Variants in MYOM2 observed in about 807,000 individuals in gnomAD.
MYOM2 encodes the protein myomesin 2, also known as myomesin-2.
In MYOM2, 254 loss-of-function variants were observed where a neutral mutation model predicts 187.6. The observed-to-expected ratio is 1.35, with a 90% CI of 1.22 to 1.50. MYOM2 has a LOEUF of 1.50. Among genes scored for constraint, MYOM2 ranks in the 40% most tolerant of loss-of-function variants. The pLI, the probability that MYOM2 is intolerant of heterozygous loss-of-function variation, is 0.00. For synonymous variants in MYOM2, 981 were observed against 753.8 expected, an observed-to-expected ratio of 1.30 and a Z score of -4.94; for missense variants, 2,796 against 1,924.0, an observed-to-expected ratio of 1.45 and a Z score of -8.48.
chr8:2,140,604 G>A lies in MYOM2; in HGVS notation c.3801-119G>A, dbSNP rs2116919799. 5 of 946,696 alleles carry A rather than the reference G, an allele frequency of 5.3e-6. No homozygotes were observed. The South Asian group carries it at 9.7e-5, about 18-fold the overall frequency. The allele number at this position is 946,696 out of a possible 1,614,324, so 58.6% of individuals were successfully genotyped here. ...TTCGTAACAGCCAGAATAATCTATTGTGACATTGGCATCAGCAGCTTAGAG... is the reference window on the plus strand; with the variant it reads ...TTCGTAACAGCCAGAATAATCTATTATGACATTGGCATCAGCAGCTTAGAG... On this transcript the variant is annotated intron_variant, in intron 32 of 36. Coordinates refer to ENST00000262113, the MANE Select transcript of MYOM2 (RefSeq NM_003970.4).
intron 28 of MYOM2, among the ~76,000 whole-genome samples, chr8:2,120,621 C>T (rs1222454136): frequency 4.6e-4 from 38 of 83,202 alleles, no homozygotes; most frequent in Non-Finnish European, 8.4e-4. Flanking sequence ...TTCTGACCAT[C>T]CTCAGTATTG....
rs769752263 is a variant in MYOM2, at chr8:2,140,789, G to A, written c.3867G>A (p.Gln1289=). 1 of 1,614,132 alleles carries A rather than the reference G, an allele frequency of 6.2e-7. No homozygotes were observed. Among genetic ancestry groups the A allele is most frequent in the South Asian group, 1.1e-5 (1 of 91,078 alleles). The change falls in exon 33 of 37, where the codon CAG becomes CAA. Residue 1289 remains glutamine, a synonymous_variant. Coordinates refer to ENST00000262113, the MANE Select transcript of MYOM2 (RefSeq NM_003970.4). The stretch of plus-strand genomic sequence containing the variant: ...GGAGTGAAGAGATGGCTTGGCTGCA[G>A]ATATGTGAGCCGACTGAGAAGGATA... The part of the protein sequence containing the change: ...IGGSEEMAWL[Q]ICEPTEKDKG...
intron 23 of MYOM2, 70 bp downstream of exon 23, chr8:2,106,667 GA>G (rs1796905216): frequency 1.7e-6 from 2 of 1,144,514 alleles, no homozygotes; most frequent in South Asian, 1.5e-5. Flanking sequence ...CACCAACATA[GA>G]AAAGACTTAC....
At chr8:2,114,336 G>C (rs1307589557) in intron 25 of MYOM2, among the ~76,000 whole-genome samples, 1 of 152,216 alleles carries the variant, frequency 6.6e-6, no homozygotes, top group Non-Finnish European at 1.5e-5. Context: ...ATGCAAAGTA[G>C]TGTTCTCAGA....
At position 2,094,072 on chromosome 8, in the gene MYOM2, A is replaced by G. The variant is rs769145111; in HGVS notation, c.2106A>G (p.Ile702Met). 1.2e-6 allele frequency: 2 copies of G among 1,614,194 alleles called. No individual in the cohort carries two copies. Among genetic ancestry groups the G allele is most frequent in the Non-Finnish European group, 8.5e-7 (1 of 1,180,042 alleles). The change falls in exon 17 of 37, where the codon ATA becomes ATG. Residue 702 changes from isoleucine to methionine, a missense_variant. Transcript: ENST00000262113. ...MSENSQESDVIKVQAALTVPS... is the reference protein window; with the variant it reads ...MSENSQESDVMKVQAALTVPS... ...AAAATTCCCAGGAATCAGACGTCAT[A>G]AAAGTGCAGGCCGCACTCAGTAAGT... is the stretch of plus-strand genomic sequence containing the variant.
intron 19 of MYOM2, among the ~76,000 whole-genome samples, chr8:2,099,484 G>A (rs933530165): frequency 7.2e-5 from 11 of 151,992 alleles, no homozygotes; most frequent in Admixed American, 2.0e-4. Flanking sequence ...GTTCTCATTC[G>A]TGGGTGAGCT....
intron 32 of MYOM2, among the ~76,000 whole-genome samples, chr8:2,133,063 G>T (rs144832655): frequency 4.8e-4 from 73 of 152,308 alleles, no homozygotes; most frequent in African/African-American, 1.7e-3. Context: ...AGCTGCAGGG[G>T]TGGGAGCTCC....
chr8:2,130,270 AG>A (rs1797815168), intron 32 of MYOM2, among the ~76,000 whole-genome samples: 1 of 138,774 alleles, frequency 7.2e-6, no homozygotes, highest in Admixed American at 7.0e-5. Context: ...AACGCCCGTC[AG>A]TACCCTATAC....
intron 10 of MYOM2, among the ~76,000 whole-genome samples, chr8:2,074,971 C>T (rs971845663): frequency 1.3e-5 from 2 of 152,246 alleles, no homozygotes; most frequent in Non-Finnish European, 2.9e-5. Flanking sequence ...TCCTTACCTG[C>T]TGCCCAAGTT....
intron 25 of MYOM2, among the ~76,000 whole-genome samples, chr8:2,110,088 C>A (rs144589206): frequency 6.6e-6 from 1 of 152,124 alleles, no homozygotes; most frequent in South Asian, 2.1e-4. Flanking sequence ...TTTGGGAGGC[C>A]GAGATGGGGG....
intron 3 of MYOM2, among the ~76,000 whole-genome samples, chr8:2,057,012 G>A (rs550602490): frequency 6.6e-6 from 1 of 152,286 alleles, no homozygotes; most frequent in Admixed American, 6.5e-5. Context: ...TGCTGCTCAC[G>A]GTAATTCTCC....
At chr8:2,113,699 C>T (rs1563064721) in intron 25 of MYOM2, among the ~76,000 whole-genome samples, 1 of 152,186 alleles carries the variant, frequency 6.6e-6, no homozygotes, top group East Asian at 1.9e-4. Context: ...CCGGTCCTGA[C>T]CATGTCCGCG....
In MYOM2 at chr8:2,052,311, C is replaced by G. The variant is rs767835291; in HGVS notation, c.261C>G (p.Ser87Arg). 2 of 1,597,822 alleles carry G rather than the reference C, an allele frequency of 1.3e-6. No individual in the cohort carries two copies. Among genetic ancestry groups the G allele is most frequent in the African/African-American group, 1.3e-5 (1 of 74,470 alleles). The change falls in exon 3 of 37, where the codon AGC becomes AGG. Residue 87 changes from serine (S) to arginine (R), a missense_variant and splice_region_variant. By Grantham distance (110) the Ser-to-Arg change is moderately radical. Transcript: ENST00000262113. ...TQEDEEQENRSRYQSLVAAYG... is the reference protein window; with the variant it reads ...TQEDEEQENRRRYQSLVAAYG... ...AAGATGAGGAGCAGGAGAACAGAAGCAGGTGAGCACATGGCTTCCCTGACT... is the reference window on the plus strand; with the variant it reads ...AAGATGAGGAGCAGGAGAACAGAAGGAGGTGAGCACATGGCTTCCCTGACT...
Position 2,092,381 on chromosome 8 carries a change from C to T in MYOM2, c.1864C>T (p.Arg622Ter), listed in dbSNP as rs200806191. The change falls in exon 16 of 37, where the codon CGA becomes TGA. Residue 622 changes from arginine to a stop codon, truncating the protein, a stop_gained. Transcript: ENST00000262113. LOFTEE classifies it high-confidence loss of function. ...PSAPGRVLAS[R>*]NTKTSVVVQW... ...TGCTCCGGGTCGGGTTCTTGCTTCC[C>T]GAAACACCAAGACGTCGGTGGTGGT... 1.8e-4 allele frequency: 292 copies of T among 1,613,966 alleles called. No individual in the cohort carries two copies. The highest frequency in any genetic ancestry group is 6.2e-4 in the Admixed American group (37 of 59,988).
At chr8:2,059,370 T>A in intron 6 of MYOM2, 125 bp downstream of exon 6, 1 of 718,248 alleles carries the variant, frequency 1.4e-6, no homozygotes. Flanking sequence ...CGGGTGACTT[T>A]AAATAGCATT....
At chr8:2,067,060 T>C (rs752228349) in intron 6 of MYOM2, among the ~76,000 whole-genome samples, 2 of 152,174 alleles carry the variant, frequency 1.3e-5, no homozygotes, top group Non-Finnish European at 2.9e-5. Flanking sequence ...ATCTGACATA[T>C]TGAAACTGGA....
intron 14 of MYOM2, among the ~76,000 whole-genome samples, chr8:2,087,821 A>G (rs763787240): frequency 8.6e-5 from 13 of 152,028 alleles, no homozygotes; most frequent in Non-Finnish European, 1.6e-4. Context: ...AGGTCTCGCC[A>G]TGTTGCCCAG....
rs543820642 is a variant in MYOM2, at chr8:2,085,463, C to A, written c.1644+73C>A. The stretch of plus-strand genomic sequence containing the variant: ...CCCACTGTCATGATCTCTGCGTGGC[C>A]CACCGCTGTCGTGATCTCCGCGTGG... On this transcript the variant is annotated intron_variant, in intron 14 of 36. Transcript: ENST00000262113. The A allele has an allele frequency of 9.0e-5, 138 of 1,532,774 alleles. 6 individuals carry two copies. Among genetic ancestry groups the A allele is most frequent in the African/African-American group, 6.9e-4 (50 of 72,030 alleles). The allele number at this position is 1,532,774 out of a possible 1,614,324, so 94.9% of individuals were successfully genotyped here. A position where few individuals can be genotyped will look rare whatever the true frequency, so the allele number is the denominator to read the frequency against.
chr8:2,069,300 A>T lies in MYOM2; in HGVS notation c.676A>T (p.Thr226Ser), dbSNP rs1405831682. Reference sequence around the variant, plus strand: ...AAGGGCAGACTTTGACGACACTGCGACATACTCAGCAGTGGCCACCAATGC... The same window carrying T: ...AAGGGCAGACTTTGACGACACTGCGTCATACTCAGCAGTGGCCACCAATGC... ...INRADFDDTA[T>S]YSAVATNAHG... Residue 226 changes from threonine (T) to serine (S), a missense_variant, in exon 7 of 37, where the codon ACA (threonine) becomes TCA (serine). By Grantham distance (58) the Thr-to-Ser change is moderately conservative. Coordinates refer to ENST00000262113, the MANE Select transcript of MYOM2 (RefSeq NM_003970.4). 5.0e-6 allele frequency: 8 copies of T among 1,613,078 alleles called. No homozygotes were observed. The African/African-American group carries it at 6.7e-5, about 13-fold the overall frequency.
Sources: gnomAD v4.1 joint callset for allele counts (sites outside exome capture counted in the v4.1 genomes callset) on GRCh38, gnomAD v4.1.1 for gene constraint, MANE v1.5 for transcripts, NCBI Gene and HGNC (gene_info 2026-07-23, HGNC 2026-07-21) for gene names.